Variants in TMEM94 observed in about 807,000 individuals in gnomAD.
TMEM94 encodes the protein transmembrane protein 94.
In TMEM94, 81 loss-of-function variants were observed where a neutral mutation model predicts 158.6. That is an observed-to-expected ratio of 0.51 (90% CI 0.43 to 0.61). The LOEUF (loss-of-function observed/expected upper bound fraction) is 0.61. Among genes scored for constraint, TMEM94 ranks in the 20% least tolerant of loss-of-function variants. The probability of loss-of-function intolerance (pLI) is 0.00; values close to 1 mark genes in which losing one functional copy is unlikely to be tolerated. For synonymous variants in TMEM94, 751 were observed against 730.7 expected, an observed-to-expected ratio of 1.03 and a Z score of -0.45; for missense variants, 1,435 against 1,762.0, an observed-to-expected ratio of 0.81 and a Z score of 3.32.
chr17:75,491,441 T>C lies in TMEM94; in HGVS notation c.1372T>C (p.Phe458Leu), dbSNP rs1285745194. Residue 458 changes from phenylalanine (F) to leucine (L), a missense_variant, in exon 13 of 32, where the codon TTC becomes CTC. Phe to Leu is a conservative substitution (Grantham distance 22). Coordinates refer to ENST00000314256, the MANE Select transcript of TMEM94 (RefSeq NM_014738.6). The surrounding 1 kb of genome is among the most constrained non-coding windows in gnomAD (Gnocchi z 5.1). The stretch of plus-strand genomic sequence containing the variant: ...CACCGATGGCCTATCCACCCGCTCC[T>C]TCTGCCATCCCGAGGTAGAGGAGGA... ...DLTDGLSTRS[F>L]CHPEPHERDA... The C allele has an allele frequency of 5.0e-6, 8 of 1,614,006 alleles. No homozygotes were observed. Among genetic ancestry groups the C allele is most frequent in the Non-Finnish European group, 6.8e-6 (8 of 1,180,030 alleles).
At chr17:75,469,747 T>C (rs1423141708) in intron 1 of TMEM94, among the ~76,000 whole-genome samples, 1 of 151,832 alleles carries the variant, frequency 6.6e-6, no homozygotes, top group Non-Finnish European at 1.5e-5. Flanking sequence ...GGTCAGGAGC[T>C]CATGACCAGC....
intron 2 of TMEM94, among the ~76,000 whole-genome samples, chr17:75,475,518 C>T (rs930764614): frequency 2.6e-5 from 4 of 152,222 alleles, no homozygotes; most frequent in Non-Finnish European, 4.4e-5. Flanking sequence ...AGAAGTGTCC[C>T]ATCCACTCCC....
At position 75,493,728 on chromosome 17, in the gene TMEM94, C is replaced by A; in HGVS notation, c.2219C>A (p.Ala740Asp). The A allele has an allele frequency of 6.2e-7, 1 of 1,614,104 alleles. No individual in the cohort carries two copies. The highest frequency in any genetic ancestry group is 8.5e-7 in the Non-Finnish European group (1 of 1,180,026). ...RKKVLDFYQR[A>D]CLSGYCSAFA... ...AAAGTGCTGGACTTCTACCAGCGAG[C>A]CTGCCTGTCTGGGTATTGCTCTGCC... is the stretch of plus-strand genomic sequence containing the variant. Residue 740 changes from alanine to aspartate, a missense_variant, in exon 18 of 32, where the codon GCC (alanine) becomes GAC (aspartate). Around this residue, in one of 3 missense-constraint regions of TMEM94, gnomAD observed 1,051 missense variants for 1,254.4 expected, o/e 0.84. Coordinates refer to ENST00000314256, the MANE Select transcript of TMEM94 (RefSeq NM_014738.6).
chr17:75,461,598 GA>G (rs2050070414), intron 1 of TMEM94, among the ~76,000 whole-genome samples: 3 of 151,922 alleles, frequency 2.0e-5, no homozygotes, highest in Admixed American at 2.0e-4. Flanking sequence ...TCCTTTTGTG[GA>G]TTATGCTTTT....
Position 75,499,262 on chromosome 17 carries a change from G to T in TMEM94, c.3999G>T (p.Arg1333=), listed in dbSNP as rs374729434. The change falls in exon 32 of 32, where the codon CGG becomes CGT. Residue 1333 remains arginine (R), a splice_region_variant and synonymous_variant. Transcript: ENST00000314256. ...GTACTTTAATCTCCTGCCCCACCAG[G>T]GTCCGAGTCCGCTACCAGAAGCGAC... is the stretch of plus-strand genomic sequence containing the variant. ...TNEIVKLHEI[R]VRVRYQKRQK... The T allele has an allele frequency of 1.3e-5, 21 of 1,613,486 alleles. No homozygotes were observed. Among genetic ancestry groups the T allele is most frequent in the African/African-American group, 2.7e-5 (2 of 74,910 alleles).
At chr17:75,483,159 G>A (rs775317924) in intron 2 of TMEM94, among the ~76,000 whole-genome samples, 10 of 152,176 alleles carry the variant, frequency 6.6e-5, no homozygotes, top group Non-Finnish European at 1.2e-4. Flanking sequence ...GGCTCGGCTC[G>A]TGTCAGGAGG....
intron 2 of TMEM94, among the ~76,000 whole-genome samples, chr17:75,481,850 G>A (rs1027473037): frequency 1.3e-5 from 2 of 152,204 alleles, no homozygotes; most frequent in African/African-American, 2.4e-5. Flanking sequence ...TGGATGCTTC[G>A]CAGGTGGTCC....
chr17:75,495,576 GC>G lies in TMEM94; in HGVS notation c.2881del (p.His961ThrfsTer11). ...TGCCCCGGGGTATCCACCAAGTGCG[GC>G]CCCACCTGCAGAACATTGACAACGT... ...KLPRGIHQVR[P>X]HLQNIDNVPL... On this transcript the variant is annotated frameshift_variant, in exon 22 of 32. Coordinates refer to ENST00000314256, the MANE Select transcript of TMEM94 (RefSeq NM_014738.6). LOFTEE classifies it high-confidence loss of function. The surrounding 1 kb of genome is among the most constrained non-coding windows in gnomAD (Gnocchi z 5.6). The G allele has an allele frequency of 6.2e-7, 1 of 1,613,502 alleles. No individual in the cohort carries two copies. The highest frequency in any genetic ancestry group is 8.5e-7 in the Non-Finnish European group (1 of 1,179,998).
At position 75,491,839 on chromosome 17, in the gene TMEM94, C is replaced by T. The variant is rs1350622164; in HGVS notation, c.1535C>T (p.Pro512Leu). Residue 512 changes from proline to leucine, a missense_variant, in exon 14 of 32, where the codon CCA (proline) becomes CTA (leucine). Physicochemically the swap from Pro to Leu is moderately conservative, Grantham distance 98 (BLOSUM62 -3). Around this residue, in one of 3 missense-constraint regions of TMEM94, gnomAD observed 1,051 missense variants for 1,254.4 expected, o/e 0.84. Transcript: ENST00000314256. This position sits in a 1 kb window ranked among gnomAD's most constrained non-coding sequence, Gnocchi z 5.1. ...HHKAHGRSKH[P>L]SGSNVSFSRD... ...AAAGCGCATGGCCGCAGCAAACACCCATCTGGCTCCAACGTGAGCTTCAGC... is the reference window on the plus strand; with the variant it reads ...AAAGCGCATGGCCGCAGCAAACACCTATCTGGCTCCAACGTGAGCTTCAGC... 6.2e-7 allele frequency: 1 copy of T among 1,614,052 alleles called. No homozygotes were observed. Among genetic ancestry groups the T allele is most frequent in the Admixed American group, 1.7e-5 (1 of 60,024 alleles).
Position 75,485,676 on chromosome 17 carries a change from T to C in TMEM94, c.144+129T>C, listed in dbSNP as rs1306709853. The C allele has an allele frequency of 1.6e-5, 22 of 1,417,626 alleles. No homozygotes were observed. In the South Asian group the frequency reaches 2.2e-4, roughly 14 times the overall value. The allele number at this position is 1,417,626 out of a possible 1,614,324, so 87.8% of individuals were successfully genotyped here. The stretch of plus-strand genomic sequence containing the variant: ...GACCCAACTGAGGCCTCATGAAATA[T>C]CAGAAAGAAGCCAAGGTTCCCCTCA... On this transcript the variant is annotated intron_variant, in intron 3 of 31. Transcript: ENST00000314256. This position sits in a 1 kb window ranked among gnomAD's most constrained non-coding sequence, Gnocchi z 5.5.
Position 75,498,223 on chromosome 17 carries a change from A to G in TMEM94, c.3538A>G (p.Ile1180Val), listed in dbSNP as rs756540959. Residue 1180 changes from isoleucine to valine, a missense_variant, in exon 28 of 32, where the codon ATC becomes GTC. Around this residue, in one of 3 missense-constraint regions of TMEM94, gnomAD observed 335 missense variants for 409.1 expected, o/e 0.82. Coordinates refer to ENST00000314256, the MANE Select transcript of TMEM94 (RefSeq NM_014738.6). The surrounding 1 kb of genome is among the most constrained non-coding windows in gnomAD (Gnocchi z 6.7). Reference sequence around the variant, plus strand: ...CTTCCTGCTCAAGTTCAGCCTCACCATCAGCTCCTGCCTCATCTGCTTTGG... The same window carrying G: ...CTTCCTGCTCAAGTTCAGCCTCACCGTCAGCTCCTGCCTCATCTGCTTTGG... ...LCFLLKFSLT[I>V]SSCLICFGFT... The G allele has an allele frequency of 2.5e-6, 4 of 1,613,784 alleles. No individual in the cohort carries two copies. Among genetic ancestry groups the G allele is most frequent in the African/African-American group, 1.3e-5 (1 of 74,902 alleles).
At chr17:75,475,481 C>T (rs927828786) in intron 2 of TMEM94, among the ~76,000 whole-genome samples, 6 of 152,236 alleles carry the variant, frequency 3.9e-5, no homozygotes, top group African/African-American at 1.4e-4. Flanking sequence ...GGGTGTGTAA[C>T]CCCATTATAA....
chr17:75,483,841 G>A (rs187935586), intron 2 of TMEM94, among the ~76,000 whole-genome samples: 19 of 152,276 alleles, frequency 1.2e-4, no homozygotes, highest in Non-Finnish European at 2.5e-4. Flanking sequence ...CACATTCAGG[G>A]TAGCGGTCAG....
chr17:75,486,231 G>A, intron 4 of TMEM94, 59 bp from the exon 5 acceptor site: 1 of 1,605,316 alleles, frequency 6.2e-7, no homozygotes, highest in South Asian at 1.1e-5. Context: ...TGGCCTGGGG[G>A]CTGCTGGGTG....
chr17:75,473,384 A>G (rs1251445472), intron 2 of TMEM94, among the ~76,000 whole-genome samples: 2 of 152,194 alleles, frequency 1.3e-5, no homozygotes, highest in African/African-American at 4.8e-5. Flanking sequence ...AACAGCTGCA[A>G]GGGCTCTGCA....
Position 75,488,302 on chromosome 17 carries a change from G to A in TMEM94, c.612+168G>A, listed in dbSNP as rs370060221. On this transcript the variant is annotated intron_variant, in intron 6 of 31. Transcript: ENST00000314256. ...CCTGCTGTTCTTTTTTTTGAAACAG[G>A]GTCTCACCCTGTCGCCCAGGCTGGA... Among the ~76,000 whole-genome samples the A allele has an allele frequency of 1.1e-3, 166 of 152,090 alleles. 1 individual carries two copies. The highest frequency in any genetic ancestry group is 2.0e-3 in the Non-Finnish European group (133 of 67,956).
chr17:75,464,343 C>T (rs1400760830), intron 1 of TMEM94, among the ~76,000 whole-genome samples: 1 of 152,018 alleles, frequency 6.6e-6, no homozygotes, highest in Non-Finnish European at 1.5e-5. Flanking sequence ...AATTGTCAGG[C>T]ATAGTGGCAC....
In TMEM94 at chr17:75,493,892, C is replaced by T. The variant is rs773936278; in HGVS notation, c.2383C>T (p.Arg795Cys). ...CACCATCCCCATCAAGCAGAACGCC[C>T]GCCGCAGCAGCTGGAGCTCTGACGG... The part of the protein sequence containing the change: ...PSTIPIKQNA[R>C]RSSWSSDEGI... Residue 795 changes from arginine (R) to cysteine (C), a missense_variant, in exon 18 of 32, where the codon CGC (arginine) becomes TGC (cysteine). By Grantham distance (180) the Arg-to-Cys change is radical. Coordinates refer to ENST00000314256, the MANE Select transcript of TMEM94 (RefSeq NM_014738.6). 7.0e-5 allele frequency: 113 copies of T among 1,612,250 alleles called. No homozygotes were observed. Among genetic ancestry groups the T allele is most frequent in the Non-Finnish European group, 8.4e-5 (99 of 1,179,980 alleles).
rs1220671126 is a variant in TMEM94 at position 75,491,504 on chromosome 17, G to C, written c.1386+49G>C. On this transcript the variant is annotated intron_variant, in intron 13 of 31. Coordinates refer to ENST00000314256, the MANE Select transcript of TMEM94 (RefSeq NM_014738.6). This position sits in a 1 kb window ranked among gnomAD's most constrained non-coding sequence, Gnocchi z 5.1. The stretch of plus-strand genomic sequence containing the variant: ...TCCCATGGGCCCGACTCTGGGCCAG[G>C]CTGTTTAGCCTTGGAGCCTGGCCAG... 6 of 1,613,216 alleles carry C rather than the reference G, an allele frequency of 3.7e-6. No individual in the cohort carries two copies. Among genetic ancestry groups the C allele is most frequent in the Non-Finnish European group, 4.2e-6 (5 of 1,179,650 alleles).
Sources: allele counts gnomAD v4.1 joint callset (sites outside exome capture counted in the v4.1 genomes callset), GRCh38; gene constraint gnomAD v4.1.1; regional missense constraint gnomAD v4.1.1; non-coding constraint Gnocchi (gnomAD v3.1); transcripts MANE v1.5; gene names NCBI Gene and HGNC (gene_info 2026-07-23, HGNC 2026-07-21).